SPIDR: variants seen among roughly 807,000 people sequenced by gnomAD.
The protein encoded by SPIDR is DNA repair-scaffolding protein.
SPIDR carries 93 observed loss-of-function variants against 104.6 expected under a neutral mutation model. The ratio of observed to expected loss-of-function variants is 0.89; its 90% CI spans 0.75 to 1.06. The LOEUF is 1.06. Ranked by LOEUF, SPIDR falls within the 50% of genes least tolerant of loss-of-function variation. The probability of loss-of-function intolerance (pLI) is 0.00; values close to 1 mark genes in which losing one functional copy is unlikely to be tolerated. For synonymous variants in SPIDR, 431 were observed against 416.9 expected (o/e 1.03, Z -0.41); for missense variants, 1,154 against 1,111.2 (o/e 1.04, Z -0.55).
At chr8:47,362,689 G>C (rs1313103323) in intron 5 of SPIDR, among the ~76,000 whole-genome samples, 2 of 152,240 alleles carry the variant, frequency 1.3e-5, no homozygotes, top group African/African-American at 4.8e-5. Context: ...GTCTGACTCT[G>C]TCACCCAGGC....
At chr8:47,407,216 T>C (rs2062874266) in intron 6 of SPIDR, among the ~76,000 whole-genome samples, 1 of 152,254 alleles carries the variant, frequency 6.6e-6, no homozygotes, top group African/African-American at 2.4e-5. Context: ...TCGTTATAAA[T>C]TGTCTTTCTG....
At chr8:47,318,273 C>T (rs1554591779) in intron 5 of SPIDR, among the ~76,000 whole-genome samples, 1 of 152,154 alleles carries the variant, frequency 6.6e-6, no homozygotes, top group South Asian at 2.1e-4. Flanking sequence ...CTGAAAACCA[C>T]AGCATGAGAA....
At chr8:47,720,924 G>T (rs1214499909) in intron 16 of SPIDR, among the ~76,000 whole-genome samples, 3 of 151,706 alleles carry the variant, frequency 2.0e-5, no homozygotes, top group African/African-American at 7.3e-5. Flanking sequence ...TGCCCAGCTA[G>T]TTTTTTTATG....
chr8:47,687,959 G>A (rs2078035642), intron 11 of SPIDR, among the ~76,000 whole-genome samples: 2 of 151,514 alleles, frequency 1.3e-5, no homozygotes, highest in African/African-American at 2.4e-5. Flanking sequence ...CTACTTGGGA[G>A]GCTGAGATGG....
intron 10 of SPIDR, among the ~76,000 whole-genome samples, chr8:47,620,096 C>T (rs978904151): frequency 4.6e-5 from 7 of 152,020 alleles, no homozygotes; most frequent in African/African-American, 9.7e-5. Flanking sequence ...TAATAGAAAG[C>T]GTACTAGCAG....
At chr8:47,600,379 A>G (rs368598074) in intron 10 of SPIDR, among the ~76,000 whole-genome samples, 1 of 152,044 alleles carries the variant, frequency 6.6e-6, no homozygotes, top group Non-Finnish European at 1.5e-5. Context: ...CAATCATCCT[A>G]TCATTATGCT....
chr8:47,648,806 C>A (rs1272729914), intron 10 of SPIDR, among the ~76,000 whole-genome samples: 1 of 152,128 alleles, frequency 6.6e-6, no homozygotes, highest in Non-Finnish European at 1.5e-5. Flanking sequence ...TGGGGCAATT[C>A]ATGCATCAAA....
At chr8:47,357,385 A>C (rs2054766738) in intron 5 of SPIDR, among the ~76,000 whole-genome samples, 1 of 152,156 alleles carries the variant, frequency 6.6e-6, no homozygotes, top group African/African-American at 2.4e-5. Context: ...CCTGCGTGGG[A>C]GATGGCAGCA....
At chr8:47,425,585 T>C (rs1554684121) in intron 7 of SPIDR, among the ~76,000 whole-genome samples, 3 of 152,212 alleles carry the variant, frequency 2.0e-5, no homozygotes. Flanking sequence ...GAAGTTTTGC[T>C]ATCTATTTGT....
chr8:47,601,560 G>T (rs1434330384), intron 10 of SPIDR, among the ~76,000 whole-genome samples: 1 of 152,216 alleles, frequency 6.6e-6, no homozygotes, highest in African/African-American at 2.4e-5. Flanking sequence ...TGGGCATGGT[G>T]GTGCGTGCCT....
At chr8:47,325,775 G>A (rs1554599958) in intron 5 of SPIDR, among the ~76,000 whole-genome samples, 1 of 152,136 alleles carries the variant, frequency 6.6e-6, no homozygotes. Context: ...GGTGCCTGAT[G>A]TCCTGAGGTG....
intron 5 of SPIDR, among the ~76,000 whole-genome samples, chr8:47,295,022 G>A (rs945037279): frequency 6.6e-6 from 1 of 151,918 alleles, no homozygotes; most frequent in Non-Finnish European, 1.5e-5. Context: ...ATTTTGGGTG[G>A]TTTCTGTTGC....
chr8:47,559,262 A>G (rs768421755), intron 8 of SPIDR, among the ~76,000 whole-genome samples: 20 of 152,260 alleles, frequency 1.3e-4, no homozygotes, highest in Non-Finnish European at 2.4e-4. Context: ...AACAATTGGA[A>G]TAATAACAAT....
intron 8 of SPIDR, among the ~76,000 whole-genome samples, chr8:47,562,716 C>G (rs923765574): frequency 1.3e-5 from 2 of 152,150 alleles, no homozygotes; most frequent in African/African-American, 4.8e-5. Flanking sequence ...TAGCTTTCCC[C>G]ATTTGTGAAT....
intron 8 of SPIDR, chr8:47,510,949 G>A: frequency 3.2e-6 from 2 of 621,938 alleles, no homozygotes; most frequent in East Asian, 2.7e-5. Flanking sequence ...GTGTGTACAA[G>A]GGGGCAGGAG....
At chr8:47,426,223 C>T (rs781973526) in intron 7 of SPIDR, among the ~76,000 whole-genome samples, 1 of 152,168 alleles carries the variant, frequency 6.6e-6, no homozygotes, top group Non-Finnish European at 1.5e-5. Context: ...CATTGCACTA[C>T]AGCCTGGGCA....
chr8:47,298,434 T>C (rs1178024283), intron 5 of SPIDR, among the ~76,000 whole-genome samples: 2 of 152,202 alleles, frequency 1.3e-5, no homozygotes, highest in African/African-American at 2.4e-5. Context: ...GTTTCTTTTG[T>C]TGTGCAGAAG....
intron 6 of SPIDR, among the ~76,000 whole-genome samples, chr8:47,403,039 G>A (rs539839387): frequency 6.6e-6 from 1 of 152,206 alleles, no homozygotes; most frequent in Non-Finnish European, 1.5e-5. Flanking sequence ...GGATGCAAGG[G>A]TGGTTCAGCA....
At chr8:47,365,732 T>G (rs2057075430) in intron 5 of SPIDR, among the ~76,000 whole-genome samples, 1 of 152,146 alleles carries the variant, frequency 6.6e-6, no homozygotes, top group East Asian at 1.9e-4. Flanking sequence ...GGGCTGTTAT[T>G]TATGCTGTTA....
Sources: gnomAD v4.1 joint callset for allele counts (sites outside exome capture counted in the v4.1 genomes callset) on GRCh38, gnomAD v4.1.1 for gene constraint, MANE v1.5 for transcripts, NCBI Gene and HGNC (gene_info 2026-07-23, HGNC 2026-07-21) for gene names.